The following DNAH3 variants were observed in gnomAD, a reference collection of about 807,000 sequenced individuals.
DNAH3 encodes the protein dynein axonemal heavy chain 3, also known as axonemal beta dynein heavy chain 3.
Under a neutral mutation model 432.5 loss-of-function variants are expected in DNAH3, and 332 were observed. The observed-to-expected ratio is 0.77, with a 90% CI of 0.70 to 0.84. DNAH3 has a LOEUF of 0.84. Among genes scored for constraint, DNAH3 ranks in the 40% least tolerant of loss-of-function variants. The pLI is 0.00. For synonymous variants in DNAH3, 1,956 were observed against 1,900.2 expected, an observed-to-expected ratio of 1.03 and a Z score of -0.76; for missense variants, 4,861 against 5,114.0, an observed-to-expected ratio of 0.95 and a Z score of 1.51.
At chr16:21,104,583 T>C (rs748657341) in intron 15 of DNAH3, 2 of 1,589,206 alleles carry the variant, frequency 1.3e-6, no homozygotes, top group African/African-American at 2.7e-5. Context: ...CTGTTCAATT[T>C]GATGTCCTCA....
intron 44 of DNAH3, among the ~76,000 whole-genome samples, chr16:20,990,001 C>T (rs537710456): frequency 6.6e-6 from 1 of 152,230 alleles, no homozygotes; most frequent in African/African-American, 2.4e-5. Context: ...GCGCGCAGCC[C>T]CGGTTCCCAC....
intron 44 of DNAH3, among the ~76,000 whole-genome samples, chr16:20,989,281 C>G (rs1174701316): frequency 1.3e-5 from 2 of 151,962 alleles, no homozygotes; most frequent in Middle Eastern, 3.4e-3. Context: ...TAGTTAGATA[C>G]AGAGCATCTA....
intron 44 of DNAH3, among the ~76,000 whole-genome samples, chr16:20,996,462 C>CTTAACTT (rs2086765262): frequency 6.6e-6 from 1 of 151,994 alleles, no homozygotes; most frequent in Admixed American, 6.6e-5. Context: ...AGCTACCATC[C>CTTAACTT]TTAACTTTTT....
At chr16:20,973,604 T>C (rs1262526809) in intron 51 of DNAH3, among the ~76,000 whole-genome samples, 1 of 152,248 alleles carries the variant, frequency 6.6e-6, no homozygotes, top group Non-Finnish European at 1.5e-5. Flanking sequence ...AATGTAACCA[T>C]GTACTTCAAA....
At chr16:21,091,710 G>A (rs1371944361) in intron 18 of DNAH3, among the ~76,000 whole-genome samples, 4 of 152,138 alleles carry the variant, frequency 2.6e-5, no homozygotes, top group African/African-American at 7.2e-5. Context: ...CAACTACTCA[G>A]GAGGCTAAGG....
exon 38 of DNAH3, chr16:21,027,049 C>T (rs201890783): frequency 1.9e-6 from 3 of 1,613,574 alleles, no homozygotes; most frequent in African/African-American, 1.3e-5. Context: ...GCTGGAGAGG[C>T]TTGCTCGAGG....
chr16:20,944,111 G>C (rs1309084022), intron 58 of DNAH3, among the ~76,000 whole-genome samples: 1 of 151,680 alleles, frequency 6.6e-6, no homozygotes, highest in African/African-American at 2.4e-5. Context: ...AATGATACTG[G>C]GTTTCCACTT....
chr16:20,945,431 T>C (rs1596889757), intron 57 of DNAH3, among the ~76,000 whole-genome samples: 1 of 152,210 alleles, frequency 6.6e-6, no homozygotes, highest in East Asian at 1.9e-4. Flanking sequence ...ACTGTAAGTA[T>C]AATCAGTTGA....
At chr16:21,003,142 T>C in exon 42 of DNAH3, 1 of 1,613,300 alleles carries the variant, frequency 6.2e-7, no homozygotes, top group Non-Finnish European at 8.5e-7. Context: ...TCTTTGGTGA[T>C]ATACTGTGTC....
chr16:20,939,268 C>G (rs2083712511), intron 59 of DNAH3, among the ~76,000 whole-genome samples: 1 of 152,194 alleles, frequency 6.6e-6, no homozygotes, highest in African/African-American at 2.4e-5. Context: ...TAGGCTCACA[C>G]CCCATACCTT....
At chr16:21,118,350 G>A (rs2092256355) in intron 11 of DNAH3, among the ~76,000 whole-genome samples, 1 of 152,146 alleles carries the variant, frequency 6.6e-6, no homozygotes, top group Admixed American at 6.5e-5. Context: ...TCTCCTCTAA[G>A]CCCAGAGAAA....
chr16:21,056,890 C>A (rs935807208), intron 27 of DNAH3, among the ~76,000 whole-genome samples: 9 of 152,152 alleles, frequency 5.9e-5, no homozygotes, highest in Non-Finnish European at 1.2e-4. Flanking sequence ...AAGCAGTTTG[C>A]ATGTGTACAG....
chr16:21,050,167 A>G, intron 29 of DNAH3, 149 bp from the exon 30 acceptor site: 1 of 626,160 alleles, frequency 1.6e-6, no homozygotes, highest in South Asian at 2.1e-5. Context: ...AAAAGCCGCG[A>G]TGACTTTTGC....
chr16:21,131,715 A>G (rs559716338), intron 7 of DNAH3, among the ~76,000 whole-genome samples: 121 of 151,942 alleles, frequency 8.0e-4, no homozygotes, highest in African/African-American at 2.7e-3. Context: ...TTAGCCAGGC[A>G]TGGTGGCACA....
chr16:21,095,774 G>A (rs1460054872), intron 18 of DNAH3, among the ~76,000 whole-genome samples: 1 of 151,704 alleles, frequency 6.6e-6, no homozygotes, highest in Non-Finnish European at 1.5e-5. Context: ...TATAAATACT[G>A]TTTTTTTTGA....
intron 29 of DNAH3, among the ~76,000 whole-genome samples, chr16:21,050,911 C>A (rs1318675637): frequency 1.3e-5 from 2 of 152,116 alleles, no homozygotes; most frequent in Non-Finnish European, 2.9e-5. Flanking sequence ...TTTCATTTAG[C>A]ACTCTATCTT....
At position 20,974,985 on chromosome 16, in the gene DNAH3, G is replaced by GTTTTT. The variant is rs35783206; in HGVS notation, c.8259+243_8259+247dup. On this transcript the variant is annotated intron_variant, in intron 51 of 61. Coordinates refer to ENST00000261383, the Ensembl canonical transcript of DNAH3. The stretch of plus-strand genomic sequence containing the variant: ...AGATGCACGCCACCACACCTGGCTA[G>GTTTTT]TTTTTTTTTTTTTTTTTTTTTTTAA... 2.6e-4 allele frequency among the ~76,000 whole-genome samples: 32 copies of GTTTTT among 120,790 alleles called. 1 individual carries two copies. The highest frequency in any genetic ancestry group is 1.0e-3 in the African/African-American group (32 of 31,178). 79.2% of individuals were successfully genotyped at this position (120,790 alleles called of 152,430 possible).
chr16:21,037,770 A>C, exon 34 of DNAH3: 2 of 1,614,130 alleles, frequency 1.2e-6, no homozygotes, highest in Non-Finnish European at 1.7e-6. Flanking sequence ...CCTGAAACAG[A>C]GGGACATCTT....
chr16:21,126,135 A>G (rs1818013695), intron 8 of DNAH3, among the ~76,000 whole-genome samples: 2 of 152,150 alleles, frequency 1.3e-5, no homozygotes, highest in Admixed American at 6.6e-5. Flanking sequence ...CTGCACTCCA[A>G]CTTGAGTGAC....
Sources: gnomAD v4.1 joint callset for allele counts (sites outside exome capture counted in the v4.1 genomes callset) on GRCh38, gnomAD v4.1.1 for gene constraint, MANE v1.5 for transcripts, NCBI Gene and HGNC (gene_info 2026-07-23, HGNC 2026-07-21) for gene names.